PDHX: variants seen among roughly 807,000 people sequenced by gnomAD.
PDHX encodes pyruvate dehydrogenase protein X component, mitochondrial.
Under a neutral mutation model 55.3 loss-of-function variants are expected in PDHX, and 33 were observed. The ratio of observed to expected loss-of-function variants is 0.60; its 90% CI spans 0.45 to 0.80. PDHX has a LOEUF of 0.80. Among genes scored for constraint, PDHX ranks in the 30% least tolerant of loss-of-function variants. The pLI is 0.00. For missense variants in PDHX, 622 were observed against 619.9 expected, an observed-to-expected ratio of 1.00 and a Z score of -0.04; for synonymous variants, 226 against 219.4, an observed-to-expected ratio of 1.03 and a Z score of -0.27.
intron 10 of PDHX, 133 bp downstream of exon 10, chr11:34,992,512 A>C: frequency 3.3e-6 from 2 of 599,688 alleles, no homozygotes; most frequent in East Asian, 5.9e-5. Flanking sequence ...TAGACAATAG[A>C]ATATCTGAAA....
At chr11:34,985,853 G>A (rs1286574132) in intron 9 of PDHX, among the ~76,000 whole-genome samples, 1 of 152,138 alleles carries the variant, frequency 6.6e-6, no homozygotes, top group Non-Finnish European at 1.5e-5. Flanking sequence ...AGTTAATCTG[G>A]TTTTAAAAGC....
intron 1 of PDHX, among the ~76,000 whole-genome samples, chr11:34,917,634 A>G (rs1241979739): frequency 6.6e-6 from 1 of 152,108 alleles, no homozygotes; most frequent in African/African-American, 2.4e-5. Context: ...ATGAATTTTA[A>G]TTTAAATAGG....
rs1315286642 is a variant in PDHX, at chr11:34,951,080, G to A, written c.342+3474G>A. ...TTTTTTTTTTTTTTTTTTTTGAGACGCAGTCTTGCTCTTTGGCCCAGGTGG... is the reference window on the plus strand; with the variant it reads ...TTTTTTTTTTTTTTTTTTTTGAGACACAGTCTTGCTCTTTGGCCCAGGTGG... On this transcript the variant is annotated intron_variant, in intron 3 of 10. Transcript: ENST00000227868. 8.3e-5 allele frequency among the ~76,000 whole-genome samples: 10 copies of A among 120,078 alleles called. No individual in the cohort carries two copies. The East Asian group carries it at 2.1e-3, about 25-fold the overall frequency. 78.8% of individuals were successfully genotyped at this position (120,078 alleles called of 152,430 possible).
At chr11:34,941,625 G>A (rs75902683) in intron 2 of PDHX, among the ~76,000 whole-genome samples, 1,548 of 152,146 alleles carry the variant, frequency 0.01, 31 homozygotes, top group African/African-American at 0.033. Flanking sequence ...CATCTTTTAC[G>A]TAAAGACTTT....
intron 8 of PDHX, among the ~76,000 whole-genome samples, chr11:34,980,689 A>T (rs1855491098): frequency 6.6e-6 from 1 of 152,154 alleles, no homozygotes; most frequent in Non-Finnish European, 1.5e-5. Context: ...ATGGAAGAGC[A>T]ATTGAAAAGC....
chr11:34,984,768 T>G (rs1487743322), intron 9 of PDHX, 40 bp downstream of exon 9: 1 of 1,589,494 alleles, frequency 6.3e-7, no homozygotes, highest in Admixed American at 1.7e-5. Context: ...AATGTTAGCA[T>G]ATACTTTTGG....
chr11:34,935,569 T>C (rs943310839), intron 2 of PDHX, among the ~76,000 whole-genome samples: 10 of 152,204 alleles, frequency 6.6e-5, no homozygotes, highest in African/African-American at 2.4e-4. Context: ...GGATAACCTC[T>C]TTTAGCACCC....
chr11:34,968,361 G>A (rs889008083), intron 6 of PDHX, among the ~76,000 whole-genome samples: 12 of 151,616 alleles, frequency 7.9e-5, no homozygotes, highest in Admixed American at 5.9e-4. Flanking sequence ...CAAGTACTTT[G>A]CTAACATAAA....
chr11:34,969,805 A>G (rs1855217972), intron 6 of PDHX, among the ~76,000 whole-genome samples: 1 of 152,122 alleles, frequency 6.6e-6, no homozygotes, highest in African/African-American at 2.4e-5. Flanking sequence ...GTATATATAC[A>G]CACACAAACA....
At chr11:34,989,115 C>G (rs1855708842) in intron 9 of PDHX, among the ~76,000 whole-genome samples, 1 of 152,128 alleles carries the variant, frequency 6.6e-6, no homozygotes, top group South Asian at 2.1e-4. Flanking sequence ...TTGTATGGTA[C>G]AAACCTGCAG....
intron 8 of PDHX, among the ~76,000 whole-genome samples, chr11:34,979,367 G>C (rs1472837706): frequency 2.6e-5 from 4 of 152,112 alleles, no homozygotes; most frequent in African/African-American, 4.8e-5. Flanking sequence ...GGCTGGAGTT[G>C]TAAATCTAGA....
At chr11:34,965,366 C>G (rs1019892338) in intron 5 of PDHX, among the ~76,000 whole-genome samples, 7 of 152,202 alleles carry the variant, frequency 4.6e-5, no homozygotes, top group Admixed American at 3.3e-4. Context: ...TCACAACATG[C>G]ATGTTTGCTT....
intron 9 of PDHX, among the ~76,000 whole-genome samples, chr11:34,986,640 A>G (rs572368322): frequency 2.2e-4 from 34 of 152,224 alleles, no homozygotes; most frequent in Non-Finnish European, 4.0e-4. Flanking sequence ...GCTATAATAC[A>G]TAAGTCGTAA....
rs1229263052 is a variant in PDHX at position 34,984,737 on chromosome 11, TAAGA to T, written c.1182+14_1182+17del. The T allele has an allele frequency of 6.2e-7, 1 of 1,612,686 alleles. No homozygotes were observed. The highest frequency in any genetic ancestry group is 8.5e-7 in the Non-Finnish European group (1 of 1,178,814). Reference sequence around the variant, plus strand: ...TTGCTGACTCTGTAAAGGTATGTCTTAAGAAAGAGTGTGCTTTCAAAATGTTAGC... The same window carrying T: ...TTGCTGACTCTGTAAAGGTATGTCTTAAGAGTGTGCTTTCAAAATGTTAGC... On this transcript the variant is annotated intron_variant, in intron 9 of 10. Transcript: ENST00000227868.
upstream of PDHX, chr11:34,916,341 C>G (rs769228399): frequency 1.3e-6 from 2 of 1,597,810 alleles, no homozygotes; most frequent in Admixed American, 1.7e-5. Flanking sequence ...GCGCGCGGCG[C>G]TTAGCCTGGG....
chr11:34,962,857 A>C (rs1356357291), intron 5 of PDHX, among the ~76,000 whole-genome samples: 1 of 152,220 alleles, frequency 6.6e-6, no homozygotes, highest in Non-Finnish European at 1.5e-5. Flanking sequence ...GTTGAAAGTT[A>C]TAATATTAAT....
chr11:34,959,688 C>T (rs1212919948), intron 4 of PDHX, among the ~76,000 whole-genome samples: 3 of 152,036 alleles, frequency 2.0e-5, no homozygotes, highest in African/African-American at 7.2e-5. Context: ...GTAGAAACAA[C>T]TCATAAGTCC....
chr11:34,922,368 C>A (rs1217290833), intron 1 of PDHX, among the ~76,000 whole-genome samples: 1 of 152,170 alleles, frequency 6.6e-6, no homozygotes, highest in Non-Finnish European at 1.5e-5. Flanking sequence ...ATATACTATG[C>A]ACCCTTGTAA....
chr11:34,984,091 A>C (rs986597380), intron 8 of PDHX, among the ~76,000 whole-genome samples: 1 of 152,216 alleles, frequency 6.6e-6, no homozygotes, highest in Non-Finnish European at 1.5e-5. Context: ...AGACCAATGG[A>C]ACAGATATCT....
Sources: gnomAD v4.1 joint callset for allele counts (sites outside exome capture counted in the v4.1 genomes callset) on GRCh38, gnomAD v4.1.1 for gene constraint, MANE v1.5 for transcripts, NCBI Gene and HGNC (gene_info 2026-07-23, HGNC 2026-07-21) for gene names.